The following DIAPH2 variants were observed in gnomAD, a reference collection of about 807,000 sequenced individuals.
The protein encoded by DIAPH2 is protein diaphanous homolog 2.
In DIAPH2, 35 loss-of-function variants were observed where a neutral mutation model predicts 92.7. The observed-to-expected ratio is 0.38, with a 90% CI of 0.29 to 0.50. DIAPH2 has a LOEUF of 0.50. Ranked by LOEUF, DIAPH2 falls within the 20% of genes least tolerant of loss-of-function variation. DIAPH2 has a pLI of 0.94. For synonymous variants in DIAPH2, 301 were observed against 280.4 expected (o/e 1.07, Z -0.73); for missense variants, 701 against 819.5 (o/e 0.86, Z 1.77).
intron 23 of DIAPH2, among the ~76,000 whole-genome samples, chrX:97,249,679 C>T (rs985318667): frequency 9.0e-6 from 1 of 111,729 alleles, no homozygotes; most frequent in African/African-American, 3.3e-5. Context: ...AAGAGACGAA[C>T]GAAATGCGTA....
chrX:97,021,165 C>T (rs1169200313), intron 17 of DIAPH2, among the ~76,000 whole-genome samples: 1 of 111,730 alleles, frequency 9.0e-6, no homozygotes, highest in Non-Finnish European at 1.9e-5. Flanking sequence ...TTTCATTCCT[C>T]TTAGTGTCCT....
At chrX:96,886,554 C>A (rs1028889133) in intron 5 of DIAPH2, among the ~76,000 whole-genome samples, 1 of 111,350 alleles carries the variant, frequency 9.0e-6, no homozygotes, top group African/African-American at 3.3e-5. Context: ...TTGTAAATGG[C>A]ACTCTTGAAA....
At chrX:97,550,356 T>C (rs1421504334) in intron 26 of DIAPH2, among the ~76,000 whole-genome samples, 1 of 112,128 alleles carries the variant, frequency 8.9e-6, no homozygotes, top group Non-Finnish European at 1.9e-5. Context: ...CGAAACTCTG[T>C]CTCAAATAAA....
At chrX:97,504,120 T>C (rs1470433644) in intron 26 of DIAPH2, among the ~76,000 whole-genome samples, 4 of 112,308 alleles carry the variant, frequency 3.6e-5, no homozygotes, top group Non-Finnish European at 7.5e-5. Flanking sequence ...TTTTTAACTA[T>C]ATTTAATATT....
chrX:96,766,407 T>C (rs912619740), intron 4 of DIAPH2, among the ~76,000 whole-genome samples: 3 of 110,842 alleles, frequency 2.7e-5, no homozygotes, highest in Non-Finnish European at 5.7e-5. Flanking sequence ...GAGGAAATGA[T>C]TAGGGGTTTG....
chrX:97,486,757 T>C (rs1432324397), intron 26 of DIAPH2, among the ~76,000 whole-genome samples: 2 of 112,269 alleles, frequency 1.8e-5, no homozygotes, highest in Non-Finnish European at 3.8e-5. Context: ...ATATTTGTTT[T>C]TTGGTTGTAG....
At chrX:97,149,730 CAAAAA>C (rs55853481) in intron 22 of DIAPH2, among the ~76,000 whole-genome samples, 8 of 31,115 alleles carry the variant, frequency 2.6e-4, no homozygotes, top group African/African-American at 5.0e-4. Context: ...GACTCCATCT[CAAAAA>C]AAAAAAAAAA....
chrX:96,690,084 C>T (rs932290038), intron 1 of DIAPH2, among the ~76,000 whole-genome samples: 2 of 109,997 alleles, frequency 1.8e-5, no homozygotes, highest in African/African-American at 6.6e-5. Flanking sequence ...TAAACTTCTT[C>T]AGGGCTGTGA....
intron 25 of DIAPH2, among the ~76,000 whole-genome samples, chrX:97,389,610 G>T (rs2069637139): frequency 9.0e-6 from 1 of 110,958 alleles, no homozygotes; most frequent in South Asian, 3.8e-4. Context: ...AACAGACAAA[G>T]AAAGAAGGGC....
chrX:97,519,816 C>A (rs768887651), intron 26 of DIAPH2, among the ~76,000 whole-genome samples: 20 of 111,207 alleles, frequency 1.8e-4, no homozygotes, highest in Non-Finnish European at 3.2e-4. Context: ...ACCTCCTCCC[C>A]CCAGGGTCAA....
intron 17 of DIAPH2, among the ~76,000 whole-genome samples, chrX:97,060,781 G>C (rs961550448): frequency 1.1e-4 from 12 of 112,179 alleles, no homozygotes; most frequent in Admixed American, 1.9e-4. Flanking sequence ...ATGCTCTACA[G>C]CACTGAATAT....
intron 26 of DIAPH2, among the ~76,000 whole-genome samples, chrX:97,571,856 C>A (rs2071372296): frequency 8.9e-6 from 1 of 111,751 alleles, no homozygotes; most frequent in African/African-American, 3.3e-5. Context: ...TAAGGTATAG[C>A]TAGAAAGTTT....
intron 26 of DIAPH2, among the ~76,000 whole-genome samples, chrX:97,506,701 A>C (rs932640916): frequency 2.7e-5 from 3 of 110,812 alleles, no homozygotes; most frequent in Non-Finnish European, 5.7e-5. Flanking sequence ...TTATTTGGTC[A>C]TTCCAGCTTT....
At chrX:97,153,206 TA>T (rs1228579257) in intron 22 of DIAPH2, among the ~76,000 whole-genome samples, 1 of 111,924 alleles carries the variant, frequency 8.9e-6, no homozygotes, top group African/African-American at 3.2e-5. Flanking sequence ...GTGTTACATA[TA>T]AAAAATTATT....
intron 22 of DIAPH2, among the ~76,000 whole-genome samples, chrX:97,194,284 ATT>A (rs747413352): frequency 2.1e-4 from 21 of 100,855 alleles, no homozygotes; most frequent in Non-Finnish European, 1.8e-4. Context: ...TATCCTAGAA[ATT>A]TTTTTTTTTT....
intron 1 of DIAPH2, among the ~76,000 whole-genome samples, chrX:96,707,757 ACTT>A (rs2063894852): frequency 8.9e-6 from 1 of 111,791 alleles, no homozygotes; most frequent in South Asian, 3.8e-4. Flanking sequence ...AATGACAACC[ACTT>A]CTTTCTTGCA....
intron 10 of DIAPH2, 138 bp from the exon 11 acceptor site, chrX:96,937,095 C>A: frequency 3.0e-6 from 1 of 336,190 alleles, no homozygotes; most frequent in Non-Finnish European, 5.2e-6. Flanking sequence ...CAATTACTTT[C>A]AGAAAACCAA....
chrX:97,366,584 A>G (rs1569375066), intron 24 of DIAPH2, among the ~76,000 whole-genome samples: 1 of 111,666 alleles, frequency 9.0e-6, no homozygotes, highest in East Asian at 2.8e-4. Context: ...GACCATTTAC[A>G]TCTTCATTAT....
At chrX:96,843,205 C>G (rs1226153154) in intron 4 of DIAPH2, among the ~76,000 whole-genome samples, 1 of 111,445 alleles carries the variant, frequency 9.0e-6, no homozygotes, top group African/African-American at 3.3e-5. Context: ...GTGCCTTACT[C>G]TTTCTCCATG....
Sources: allele counts gnomAD v4.1 joint callset (sites outside exome capture counted in the v4.1 genomes callset), GRCh38; gene constraint gnomAD v4.1.1; transcripts MANE v1.5; gene names NCBI Gene and HGNC (gene_info 2026-07-23, HGNC 2026-07-21).